Variants in IL31RA observed in about 807,000 individuals in gnomAD.
IL31RA encodes interleukin-31 receptor subunit alpha.
In IL31RA, 66 loss-of-function variants were observed where a neutral mutation model predicts 83.7. That is an observed-to-expected ratio of 0.79 (90% CI 0.65 to 0.97). IL31RA has a LOEUF of 0.97. Among genes scored for constraint, IL31RA ranks in the 50% least tolerant of loss-of-function variants. The probability of loss-of-function intolerance (pLI) is 0.00; values close to 1 mark genes in which losing one functional copy is unlikely to be tolerated. For missense variants in IL31RA, 798 were observed against 919.4 expected, an observed-to-expected ratio of 0.87 and a Z score of 1.71; for synonymous variants, 325 against 329.0, an observed-to-expected ratio of 0.99 and a Z score of 0.13.
At chr5:55,909,796 C>A (rs1749383663) in intron 11 of IL31RA, among the ~76,000 whole-genome samples, 2 of 152,188 alleles carry the variant, frequency 1.3e-5, no homozygotes, top group South Asian at 4.1e-4. Flanking sequence ...CCTCCACCTC[C>A]CAGGTTCAAG....
chr5:55,872,235 A>G, intron 3 of IL31RA, 35 bp from the exon 4 acceptor site: 1 of 1,494,208 alleles, frequency 6.7e-7, no homozygotes, highest in South Asian at 1.1e-5. Context: ...AAACCATTGT[A>G]CTAAACTCAT....
upstream of IL31RA, among the ~76,000 whole-genome samples, chr5:55,848,784 A>C (rs1744991648): frequency 6.6e-6 from 1 of 152,242 alleles, no homozygotes; most frequent in South Asian, 2.1e-4. Context: ...TGCAACTCAA[A>C]GCCCACTTCA....
chr5:55,883,704 G>A (rs1405963604), intron 5 of IL31RA, among the ~76,000 whole-genome samples: 1 of 152,142 alleles, frequency 6.6e-6, no homozygotes, highest in African/African-American at 2.4e-5. Flanking sequence ...TGTTAGAGCT[G>A]TTACCCTGAT....
In IL31RA at chr5:55,920,781, A is replaced by G. The variant is rs1463019445; in HGVS notation, c.*3661A>G. 1.3e-5 allele frequency among the ~76,000 whole-genome samples: 2 copies of G among 152,204 alleles called. No homozygotes were observed. The highest frequency in any genetic ancestry group is 2.4e-5 in the African/African-American group (1 of 41,468). ...CTCTTTGAAGGGTGCACACACACTT[A>G]CTGGTTCCCCACCAGCCCTCCTAAA... On this transcript the variant is annotated 3_prime_UTR_variant, in exon 15 of 15. Coordinates refer to ENST00000652347, the MANE Select transcript of IL31RA (RefSeq NM_139017.7).
chr5:55,917,134 A>G lies in IL31RA; in HGVS notation c.*14A>G, dbSNP rs1406962575. 3.1e-6 allele frequency: 5 copies of G among 1,614,080 alleles called. No individual in the cohort carries two copies. Among genetic ancestry groups the G allele is most frequent in the African/African-American group, 1.3e-5 (1 of 75,064 alleles). On this transcript the variant is annotated 3_prime_UTR_variant, in exon 15 of 15. Coordinates refer to ENST00000652347, the MANE Select transcript of IL31RA (RefSeq NM_139017.7). ...GGAGAAGTCTAAATGCGACCATAGC[A>G]TGAGACCCTCGGGGCCTCAGTGTGG... is the stretch of plus-strand genomic sequence containing the variant.
rs1171838634 is a variant in IL31RA at position 55,903,349 on chromosome 5, C to T, written c.1070-2757C>T. On this transcript the variant is annotated intron_variant, in intron 8 of 14. Coordinates refer to ENST00000652347, the MANE Select transcript of IL31RA (RefSeq NM_139017.7). This position sits in a 1 kb window ranked among gnomAD's most constrained non-coding sequence, Gnocchi z 4.7. ...GATCACAAGAAATCAATGGCTTTCA[C>T]AGTCAAAGCCCCTCCCTGCTTCTTC... Among the ~76,000 whole-genome samples, 2 of 152,234 alleles carry T rather than the reference C, an allele frequency of 1.3e-5. No individual in the cohort carries two copies.
Position 55,922,567 on chromosome 5 carries a change from C to A in IL31RA, c.*5447C>A. ...CTGAAGACTGGGTATGTGGTCTTTTCCACACATGGACCACCTACGGATGCA... is the reference window on the plus strand; with the variant it reads ...CTGAAGACTGGGTATGTGGTCTTTTACACACATGGACCACCTACGGATGCA... On this transcript the variant is annotated 3_prime_UTR_variant, in exon 15 of 15. Transcript: ENST00000652347. The A allele has an allele frequency of 1.4e-6, 1 of 702,330 alleles. No homozygotes were observed. The highest frequency in any genetic ancestry group is 1.9e-5 in the South Asian group (1 of 52,170). 43.5% of individuals were successfully genotyped at this position (702,330 alleles called of 1,614,324 possible). A position where few individuals can be genotyped will look rare whatever the true frequency, so the allele number is the denominator to read the frequency against.
chr5:55,899,610 C>G (rs192479882), intron 7 of IL31RA, among the ~76,000 whole-genome samples: 1 of 152,194 alleles, frequency 6.6e-6, no homozygotes, highest in South Asian at 2.1e-4. Context: ...CTCCTTTACA[C>G]GAGTGGGATG....
chr5:55,922,371 C>A lies in IL31RA; in HGVS notation c.*5251C>A. 1 of 1,547,144 alleles carries A rather than the reference C, an allele frequency of 6.5e-7. No homozygotes were observed. On this transcript the variant is annotated 3_prime_UTR_variant, in exon 15 of 15. Transcript: ENST00000652347. The stretch of plus-strand genomic sequence containing the variant: ...GTGGCTGTTCAAGGGAAGTGAGATA[C>A]TTGTACTATGCATTTCATTTTTAGG...
rs1746569134 is a variant in IL31RA, at chr5:55,872,374, A to C, written c.377A>C (p.Tyr126Ser). The change falls in exon 4 of 15, where the codon TAT becomes TCT. Residue 126 changes from tyrosine (Y) to serine (S), a missense_variant. By Grantham distance (144) the Tyr-to-Ser change is moderately radical (BLOSUM62 -2). Coordinates refer to ENST00000652347, the MANE Select transcript of IL31RA (RefSeq NM_139017.7). ...CCAAGAATAACGATCCCAGATAATT[A>C]TACCATTGAGGTGGAAGCTGAAAAT... ...FLPRITIPDN[Y>S]TIEVEAENGD... 2 of 1,612,140 alleles carry C rather than the reference A, an allele frequency of 1.2e-6. No homozygotes were observed. The highest frequency in any genetic ancestry group is 4.5e-5 in the East Asian group (2 of 44,830).
At chr5:55,853,630 T>G (rs993375226) in intron 1 of IL31RA, 32 of 1,522,514 alleles carry the variant, frequency 2.1e-5, no homozygotes, top group Non-Finnish European at 2.8e-5. Flanking sequence ...TATAAAAGTC[T>G]TTTTCTGTTT....
At chr5:55,864,990 G>A (rs544748907) in intron 2 of IL31RA, among the ~76,000 whole-genome samples, 2 of 152,294 alleles carry the variant, frequency 1.3e-5, no homozygotes, top group East Asian at 3.9e-4. Flanking sequence ...CAGTGTGTGA[G>A]TTATTCCTCC....
At chr5:55,851,279 T>C (rs149566387), upstream of IL31RA, 1 of 487,806 alleles carries the variant, frequency 2.0e-6, no homozygotes, top group East Asian at 3.7e-5. Context: ...TCATCAACAT[T>C]GAACTCATGG....
intron 2 of IL31RA, among the ~76,000 whole-genome samples, chr5:55,864,275 A>G (rs545332408): frequency 7.3e-4 from 81 of 110,304 alleles, no homozygotes; most frequent in African/African-American, 3.0e-3. Context: ...GGATAGATCC[A>G]CATATATACA....
chr5:55,861,429 G>A (rs1217134096), intron 2 of IL31RA, among the ~76,000 whole-genome samples: 2 of 152,190 alleles, frequency 1.3e-5, no homozygotes, highest in African/African-American at 2.4e-5. Flanking sequence ...ATGGGAGCAC[G>A]AACCCTATTG....
At chr5:55,882,944 A>G in intron 4 of IL31RA, 100 bp from the exon 5 acceptor site, 1 of 1,105,312 alleles carries the variant, frequency 9.0e-7, no homozygotes, top group Non-Finnish European at 1.4e-6. Context: ...CATATAGCAG[A>G]CCACAATGCA....
intron 9 of IL31RA, 112 bp downstream of exon 9, chr5:55,906,400 T>C (rs534623288): frequency 9.9e-7 from 1 of 1,010,436 alleles, no homozygotes; most frequent in African/African-American, 1.6e-5. Flanking sequence ...TAATAGCATT[T>C]GTCAAGCTTG....
chr5:55,899,984 C>T lies in IL31RA; in HGVS notation c.921C>T (p.Asn307=). 1 of 1,614,100 alleles carries T rather than the reference C, an allele frequency of 6.2e-7. No individual in the cohort carries two copies. Among genetic ancestry groups the T allele is most frequent in the Non-Finnish European group, 8.5e-7 (1 of 1,179,900 alleles). The change falls in exon 8 of 15, where the codon AAC becomes AAT. Residue 307 remains asparagine (N), a synonymous_variant. Coordinates refer to ENST00000652347, the MANE Select transcript of IL31RA (RefSeq NM_139017.7). ...GYNIWYYPES[N]TNLTETMNTT... ...ACATATGGTACTATCCAGAAAGCAA[C>T]ACTAACCTCACAGAAACAATGAACA... is the stretch of plus-strand genomic sequence containing the variant.
Position 55,891,165 on chromosome 5 carries a change from T to A in IL31RA, c.772+1030T>A, listed in dbSNP as rs572181469. Among the ~76,000 whole-genome samples the A allele has an allele frequency of 8.9e-4, 136 of 152,332 alleles. 1 individual carries two copies. The highest frequency in any genetic ancestry group is 2.2e-3 in the Admixed American group (33 of 15,302). On this transcript the variant is annotated intron_variant, in intron 6 of 14. Transcript: ENST00000652347. ...CCTCCTTAAAGCACTATAAAATATG[T>A]AGAGTCACTCCCATTTTGGAAATGA...
Sources: gnomAD v4.1 joint callset for allele counts (sites outside exome capture counted in the v4.1 genomes callset) on GRCh38, gnomAD v4.1.1 for gene constraint, Gnocchi (gnomAD v3.1) non-coding constraint, MANE v1.5 for transcripts, NCBI Gene and HGNC (gene_info 2026-07-23, HGNC 2026-07-21) for gene names.